The following FBXL7 variants were observed in gnomAD, a reference collection of about 807,000 sequenced individuals.
FBXL7 encodes F-box and leucine rich repeat protein 7, also known as F-box/LRR-repeat protein 7.
In FBXL7, 12 loss-of-function variants were observed where a neutral mutation model predicts 38.3. That is an observed-to-expected ratio of 0.31 (90% CI 0.20 to 0.51). The LOEUF (loss-of-function observed/expected upper bound fraction) is 0.51, where lower values mean the gene tolerates loss of function less well. Ranked by LOEUF, FBXL7 falls within the 20% of genes least tolerant of loss-of-function variation. FBXL7 has a pLI of 0.98. For synonymous variants in FBXL7, 297 were observed against 300.9 expected, an observed-to-expected ratio of 0.99 and a Z score of 0.13; for missense variants, 567 against 676.4, an observed-to-expected ratio of 0.84 and a Z score of 1.79.
intron 2 of FBXL7, among the ~76,000 whole-genome samples, chr5:15,671,426 T>C (rs1742471502): frequency 6.6e-6 from 1 of 151,696 alleles, no homozygotes; most frequent in African/African-American, 2.4e-5. Flanking sequence ...TACCTACTTA[T>C]GCTAGGTGAG....
At chr5:15,714,868 A>AAAGAGGCAG in intron 2 of FBXL7, among the ~76,000 whole-genome samples, 1 of 151,244 alleles carries the variant, frequency 6.6e-6, no homozygotes, top group Non-Finnish European at 1.5e-5. Flanking sequence ...AAAAAAAAAA[A>AAAGAGGCAG]AGAGGCAGGA....
chr5:15,607,305 G>A (rs1466057147), intron 1 of FBXL7: 1 of 152,196 alleles, frequency 6.6e-6, no homozygotes, highest in Non-Finnish European at 1.5e-5. Context: ...TGTGTTAGAA[G>A]TCTGCAGCTG....
chr5:15,688,110 C>A (rs1385130134), intron 2 of FBXL7, among the ~76,000 whole-genome samples: 1 of 152,106 alleles, frequency 6.6e-6, no homozygotes, highest in African/African-American at 2.4e-5. Context: ...ATATAATTTA[C>A]TTTTCTTCTA....
chr5:15,725,351 C>T (rs1170522615), intron 2 of FBXL7, among the ~76,000 whole-genome samples: 1 of 152,126 alleles, frequency 6.6e-6, no homozygotes, highest in Non-Finnish European at 1.5e-5. Flanking sequence ...TTTTATTCAT[C>T]TCTAAGCATT....
chr5:15,885,272 C>T (rs1740629116), intron 2 of FBXL7, among the ~76,000 whole-genome samples: 1 of 152,216 alleles, frequency 6.6e-6, no homozygotes, highest in South Asian at 2.1e-4. Context: ...GGGCAGGTTC[C>T]AGCACGGCAT....
At chr5:15,626,180 C>G (rs1740811669) in intron 2 of FBXL7, among the ~76,000 whole-genome samples, 2 of 152,194 alleles carry the variant, frequency 1.3e-5, no homozygotes, top group Non-Finnish European at 2.9e-5. Context: ...TTTGGTGATT[C>G]AATGAGCAAT....
At chr5:15,670,961 G>T (rs1387007355) in intron 2 of FBXL7, among the ~76,000 whole-genome samples, 1 of 152,004 alleles carries the variant, frequency 6.6e-6, no homozygotes, top group East Asian at 1.9e-4. Context: ...TACCCTGGTG[G>T]AGCTAAGTGA....
intron 2 of FBXL7, among the ~76,000 whole-genome samples, chr5:15,795,196 A>T (rs567101270): frequency 6.6e-5 from 10 of 152,282 alleles, no homozygotes; most frequent in African/African-American, 2.4e-4. Context: ...ATTCAGGGGG[A>T]GAGAATTCAT....
chr5:15,532,202 A>G (rs1484353288), intron 1 of FBXL7, among the ~76,000 whole-genome samples: 4 of 152,224 alleles, frequency 2.6e-5, no homozygotes, highest in Admixed American at 1.3e-4. Flanking sequence ...TGCAGTGGCT[A>G]TTTCTCATAC....
chr5:15,609,937 G>T (rs957858227), intron 1 of FBXL7, among the ~76,000 whole-genome samples: 28 of 152,304 alleles, frequency 1.8e-4, no homozygotes, highest in Non-Finnish European at 3.4e-4. Context: ...AGAAAAAGAG[G>T]TGTAATGGAC....
intron 1 of FBXL7, among the ~76,000 whole-genome samples, chr5:15,530,006 A>G (rs115274537): frequency 0.011 from 1,731 of 152,240 alleles, 39 homozygotes; most frequent in African/African-American, 0.04. Flanking sequence ...TTCTGGGAAA[A>G]CTTAGCTGAC....
intron 2 of FBXL7, among the ~76,000 whole-genome samples, chr5:15,734,311 A>G (rs1031658936): frequency 2.0e-5 from 3 of 152,126 alleles, no homozygotes; most frequent in African/African-American, 4.8e-5. Flanking sequence ...TCTCTTCTCT[A>G]TGGGACCTCA....
At chr5:15,501,313 A>G (rs1736479413) in intron 1 of FBXL7, 3 of 584,500 alleles carry the variant, frequency 5.1e-6, no homozygotes, top group Non-Finnish European at 6.5e-6. Flanking sequence ...GAAATTGCAC[A>G]GAAATATTGC....
intron 2 of FBXL7, among the ~76,000 whole-genome samples, chr5:15,620,081 C>G (rs1740577601): frequency 1.3e-5 from 2 of 152,094 alleles, no homozygotes; most frequent in African/African-American, 4.8e-5. Flanking sequence ...TGACAATGTT[C>G]TGAAATTGGA....
At chr5:15,807,416 G>A (rs1737743605) in intron 2 of FBXL7, among the ~76,000 whole-genome samples, 2 of 152,154 alleles carry the variant, frequency 1.3e-5, no homozygotes, top group South Asian at 4.1e-4. Flanking sequence ...AGATGACCAT[G>A]GGGAAGGAAG....
intron 2 of FBXL7, among the ~76,000 whole-genome samples, chr5:15,741,547 C>A (rs1561107892): frequency 6.6e-6 from 1 of 152,072 alleles, no homozygotes; most frequent in South Asian, 2.1e-4. Flanking sequence ...AAGATTCTTC[C>A]TTGCTTATTG....
At chr5:15,552,711 T>C (rs1358567787) in intron 1 of FBXL7, among the ~76,000 whole-genome samples, 1 of 152,198 alleles carries the variant, frequency 6.6e-6, no homozygotes, top group Non-Finnish European at 1.5e-5. Flanking sequence ...GCATGATATT[T>C]TCAAACGCAG....
intron 1 of FBXL7, among the ~76,000 whole-genome samples, chr5:15,555,141 A>C (rs1185779892): frequency 6.6e-6 from 1 of 152,202 alleles, no homozygotes; most frequent in Non-Finnish European, 1.5e-5. Flanking sequence ...TAAACTTTCC[A>C]CTGGTTCTTC....
At chr5:15,599,363 G>A (rs1436654872) in intron 1 of FBXL7, among the ~76,000 whole-genome samples, 1 of 152,136 alleles carries the variant, frequency 6.6e-6, no homozygotes, top group African/African-American at 2.4e-5. Flanking sequence ...GTTTGTATGT[G>A]TGTGTATGTG....
Sources: allele counts gnomAD v4.1 joint callset (sites outside exome capture counted in the v4.1 genomes callset), GRCh38; gene constraint gnomAD v4.1.1; transcripts MANE v1.5; gene names NCBI Gene and HGNC (gene_info 2026-07-23, HGNC 2026-07-21).